Variants in ACTR2 observed in about 807,000 individuals in gnomAD.
ACTR2 encodes the protein actin related protein 2, also known as actin-related protein 2.
ACTR2 carries 5 observed loss-of-function variants against 50.2 expected under a neutral mutation model. The observed-to-expected ratio is 0.10, with a 90% CI of 0.05 to 0.21. The LOEUF is 0.21. Among genes scored for constraint, ACTR2 ranks in the 10% least tolerant of loss-of-function variants. ACTR2 has a pLI of 1.00. For synonymous variants in ACTR2, 140 were observed against 162.9 expected, an observed-to-expected ratio of 0.86 and a Z score of 1.07; for missense variants, 180 against 480.6, an observed-to-expected ratio of 0.37 and a Z score of 5.85.
chr2:65,246,030 GTAAT>G (rs1160687465), intron 2 of ACTR2, among the ~76,000 whole-genome samples: 2 of 151,914 alleles, frequency 1.3e-5, no homozygotes, highest in Non-Finnish European at 2.9e-5. Context: ...TTATTATAGA[GTAAT>G]AAAGAATCAT....
At chr2:65,268,347 T>C (rs534744046) in intron 8 of ACTR2, among the ~76,000 whole-genome samples, 11 of 152,184 alleles carry the variant, frequency 7.2e-5, no homozygotes, top group Non-Finnish European at 1.3e-4. Context: ...AAATCAGGAC[T>C]GTTCCAAGCA....
chr2:65,238,191 A>T (rs932387574), intron 1 of ACTR2, among the ~76,000 whole-genome samples: 126 of 152,182 alleles, frequency 8.3e-4, no homozygotes, highest in Middle Eastern at 3.4e-3. Context: ...TTTTTAAATT[A>T]AAAAAGTATT....
chr2:65,240,533 G>T (rs1172771742), intron 2 of ACTR2, among the ~76,000 whole-genome samples: 3 of 152,198 alleles, frequency 2.0e-5, no homozygotes, highest in African/African-American at 7.2e-5. Context: ...ACCATAAAGA[G>T]GAAGGAAAGT....
At position 65,265,078 on chromosome 2, in the gene ACTR2, G is replaced by T; in HGVS notation, c.917G>T (p.Gly306Val). 1 of 1,614,054 alleles carries T rather than the reference G, an allele frequency of 6.2e-7. No individual in the cohort carries two copies. The highest frequency in any genetic ancestry group is 8.5e-7 in the Non-Finnish European group (1 of 1,179,996). Residue 306 changes from glycine (G) to valine (V), a missense_variant, in exon 8 of 9, where the codon GGG becomes GTG. By Grantham distance (109) the Gly-to-Val change is moderately radical. Coordinates refer to ENST00000260641, the MANE Select transcript of ACTR2 (RefSeq NM_005722.4). ...TACAAACACATTGTGCTTTCTGGAGGGTCTACTATGTATCCTGGCCTGCCA... is the reference window on the plus strand; with the variant it reads ...TACAAACACATTGTGCTTTCTGGAGTGTCTACTATGTATCCTGGCCTGCCA... ...EFYKHIVLSG[G>V]STMYPGLPSR...
intron 1 of ACTR2, among the ~76,000 whole-genome samples, chr2:65,231,453 A>C (rs1487679683): frequency 6.6e-6 from 1 of 152,198 alleles, no homozygotes; most frequent in Non-Finnish European, 1.5e-5. Context: ...AATATTAAAG[A>C]AGATATTCAG....
At chr2:65,231,908 G>C (rs902987332) in intron 1 of ACTR2, among the ~76,000 whole-genome samples, 1 of 152,126 alleles carries the variant, frequency 6.6e-6, no homozygotes, top group Non-Finnish European at 1.5e-5. Flanking sequence ...AATTTGTGTT[G>C]GGCCTCATGC....
At chr2:65,229,409 A>G (rs1333381532) in intron 1 of ACTR2, among the ~76,000 whole-genome samples, 1 of 152,226 alleles carries the variant, frequency 6.6e-6, no homozygotes. Context: ...AGCAATAATT[A>G]TGGTAGCTTC....
At position 65,267,861 on chromosome 2, in the gene ACTR2, T is replaced by C. The variant is rs1326462004; in HGVS notation, c.1015-703T>C. On this transcript the variant is annotated intron_variant, in intron 8 of 8. Coordinates refer to ENST00000260641, the MANE Select transcript of ACTR2 (RefSeq NM_005722.4). ...GACCTTGAAGAAGTCATGCAAGTCC[T>C]CTTTTTTTTTTTTTTTTTTTTTTTT... Among the ~76,000 whole-genome samples, 224 of 112,424 alleles carry C rather than the reference T, an allele frequency of 2.0e-3. 3 individuals carry two copies. The highest frequency in any genetic ancestry group is 7.1e-3 in the African/African-American group (212 of 29,822). 73.8% of individuals were successfully genotyped at this position (112,424 alleles called of 152,430 possible). A position where few individuals can be genotyped will look rare whatever the true frequency, so the allele number is the denominator to read the frequency against.
chr2:65,254,142 G>A (rs550254962), intron 5 of ACTR2, among the ~76,000 whole-genome samples: 1 of 152,228 alleles, frequency 6.6e-6, no homozygotes, highest in South Asian at 2.1e-4. Context: ...TATTCCTGAG[G>A]AGTGAGTAGA....
At chr2:65,235,326 A>G (rs987695018) in intron 1 of ACTR2, among the ~76,000 whole-genome samples, 6 of 152,042 alleles carry the variant, frequency 3.9e-5, no homozygotes, top group East Asian at 3.8e-4. Flanking sequence ...ATGAACTACT[A>G]CTCCTGAATT....
At chr2:65,256,731 G>A (rs904970464) in intron 6 of ACTR2, among the ~76,000 whole-genome samples, 3 of 152,114 alleles carry the variant, frequency 2.0e-5, no homozygotes, top group Admixed American at 6.6e-5. Context: ...AATTAGCTGG[G>A]CAAGGTGGTG....
At chr2:65,246,128 A>G (rs1030335705) in intron 2 of ACTR2, 1 of 161,400 alleles carries the variant, frequency 6.2e-6, no homozygotes, top group African/African-American at 2.4e-5. Flanking sequence ...TGCTGCATGC[A>G]TTGAGCATTT....
rs919514873 is a variant in ACTR2, at chr2:65,265,008, A to G, written c.882-35A>G. 8.1e-6 allele frequency: 13 copies of G among 1,611,852 alleles called. No individual in the cohort carries two copies. In the Admixed American group the frequency reaches 1.3e-4, roughly 17 times the overall value. The stretch of plus-strand genomic sequence containing the variant: ...CCCTGAGATACCATTTTCCTAACCT[A>G]AAACTCCAAATGAATAACCATTGTG... On this transcript the variant is annotated intron_variant, in intron 7 of 8. Coordinates refer to ENST00000260641, the MANE Select transcript of ACTR2 (RefSeq NM_005722.4).
At chr2:65,263,009 T>C (rs1672301174) in intron 7 of ACTR2, among the ~76,000 whole-genome samples, 1 of 150,532 alleles carries the variant, frequency 6.6e-6, no homozygotes, top group Admixed American at 6.6e-5. Flanking sequence ...AAAACATATA[T>C]ATATATATAA....
chr2:65,265,234 G>T (rs1672349461), intron 8 of ACTR2, 59 bp downstream of exon 8: 2 of 1,599,494 alleles, frequency 1.3e-6, no homozygotes, highest in East Asian at 4.5e-5. Flanking sequence ...ACAGTAGTTT[G>T]TGAATCTTGA....
intron 2 of ACTR2, among the ~76,000 whole-genome samples, chr2:65,241,478 T>A (rs541828269): frequency 4.3e-4 from 66 of 152,324 alleles, no homozygotes; most frequent in African/African-American, 1.6e-3. Flanking sequence ...CCTAGCAGCA[T>A]TTGCTTGTAT....
intron 8 of ACTR2, among the ~76,000 whole-genome samples, chr2:65,267,812 T>C (rs193297492): frequency 1.3e-3 from 191 of 148,624 alleles, no homozygotes; most frequent in Non-Finnish European, 2.2e-3. Context: ...TCTATTGCCC[T>C]GGACTAGAAT....
In ACTR2 at chr2:65,246,701, C is replaced by G; in HGVS notation, c.337C>G (p.Pro113Ala). The G allele has an allele frequency of 3.1e-6, 5 of 1,612,622 alleles. No homozygotes were observed. Among genetic ancestry groups the G allele is most frequent in the East Asian group, 2.2e-5 (1 of 44,772 alleles). ...RNCKILLTEP[P>A]MNPTKNREKI... Reference sequence around the variant, plus strand: ...TTGTAAAATCTTACTCACAGAACCTCCTATGAACCCAACCAAAAACAGAGA... The same window carrying G: ...TTGTAAAATCTTACTCACAGAACCTGCTATGAACCCAACCAAAAACAGAGA... Residue 113 changes from proline to alanine, a missense_variant, in exon 3 of 9, where the codon CCT (proline) becomes GCT (alanine). Coordinates refer to ENST00000260641, the MANE Select transcript of ACTR2 (RefSeq NM_005722.4).
rs115152949 is a variant in ACTR2 at position 65,264,578 on chromosome 2, A to G, written c.882-465A>G. ...GGGTACTGCTATAAGAAGCATACACATCAGTCTAGCCAAAAATAACAGCAG... is the reference window on the plus strand; with the variant it reads ...GGGTACTGCTATAAGAAGCATACACGTCAGTCTAGCCAAAAATAACAGCAG... On this transcript the variant is annotated intron_variant, in intron 7 of 8. Coordinates refer to ENST00000260641, the MANE Select transcript of ACTR2 (RefSeq NM_005722.4). 3.2e-3 allele frequency among the ~76,000 whole-genome samples: 483 copies of G among 152,336 alleles called. 3 individuals are homozygous for G. The highest frequency in any genetic ancestry group is 0.011 in the African/African-American group (441 of 41,574).
Sources: allele counts gnomAD v4.1 joint callset (sites outside exome capture counted in the v4.1 genomes callset), GRCh38; gene constraint gnomAD v4.1.1; transcripts MANE v1.5; gene names NCBI Gene and HGNC (gene_info 2026-07-23, HGNC 2026-07-21).